Variants in DRC8 observed in about 807,000 individuals in gnomAD.
The protein encoded by DRC8 is dynein regulatory complex subunit 8, also known as dynein regulatory complex protein 8.
chr1:245,061,667 A>G, the DRC8 span, among the ~76,000 whole-genome samples: 1 of 152,268 alleles, frequency 6.6e-6, no homozygotes, highest in Non-Finnish European at 1.5e-5. Flanking sequence ...ATTTAAATAC[A>G]TTTAATAGTG....
the DRC8 span, among the ~76,000 whole-genome samples, chr1:245,121,190 T>A: frequency 1.4e-4 from 21 of 152,318 alleles, no homozygotes; most frequent in African/African-American, 4.8e-4. Context: ...AAGAAATAAG[T>A]GATATAATAG....
At chr1:245,030,798 T>A in the DRC8 span, 1 of 152,378 alleles carries the variant, frequency 6.6e-6, no homozygotes, top group Non-Finnish European at 1.5e-5. Flanking sequence ...CTCTCTTCCA[T>A]CTGTATGTCT....
chr1:245,018,772 G>A, the DRC8 span, among the ~76,000 whole-genome samples: 28 of 152,290 alleles, frequency 1.8e-4, 1 homozygote, highest in South Asian at 5.8e-3. Flanking sequence ...CACACTACGT[G>A]TAGTTGGGTG....
the DRC8 span, chr1:245,107,213 G>C: frequency 6.6e-6 from 1 of 152,324 alleles, no homozygotes; most frequent in Non-Finnish European, 1.5e-5. Context: ...AGAGCAGCGA[G>C]GCAGGAGTGA....
the DRC8 span, among the ~76,000 whole-genome samples, chr1:245,051,824 G>A: frequency 6.6e-6 from 1 of 152,210 alleles, no homozygotes; most frequent in African/African-American, 2.4e-5. Flanking sequence ...CAAGAGCTGA[G>A]TGTGGAAACG....
chr1:245,045,874 A>G, the DRC8 span, among the ~76,000 whole-genome samples: 2 of 152,200 alleles, frequency 1.3e-5, no homozygotes, highest in Non-Finnish European at 2.9e-5. Flanking sequence ...CAGACAGCCA[A>G]TTTCCCATCT....
At chr1:245,082,119 G>A in the DRC8 span, 192 of 1,612,704 alleles carry the variant, frequency 1.2e-4, no homozygotes, top group Non-Finnish European at 1.5e-4. Context: ...CATTCGATTC[G>A]AAAAATTTCT....
At chr1:245,106,135 T>C in the DRC8 span, among the ~76,000 whole-genome samples, 1 of 152,230 alleles carries the variant, frequency 6.6e-6, no homozygotes, top group Non-Finnish European at 1.5e-5. Flanking sequence ...TAAAATTGCC[T>C]GTATCCCTTA....
the DRC8 span, chr1:245,122,270 A>T: frequency 4.8e-5 from 8 of 167,260 alleles, no homozygotes; most frequent in African/African-American, 1.9e-4. Context: ...CTCCATATTC[A>T]TCCAAACATT....
At chr1:245,007,841 G>C in the DRC8 span, among the ~76,000 whole-genome samples, 1 of 152,064 alleles carries the variant, frequency 6.6e-6, no homozygotes, top group South Asian at 2.1e-4. Context: ...ATGACTTTGG[G>C]GTAGTGCTTC....
chr1:245,076,040 T>C, the DRC8 span, among the ~76,000 whole-genome samples: 132,372 of 152,238 alleles, frequency 0.87, 58,669 homozygotes, highest in East Asian at 0.99. Context: ...GCCTAGCAAT[T>C]CCGTGCGCTA....
chr1:245,115,114 G>T, the DRC8 span, among the ~76,000 whole-genome samples: 8 of 151,960 alleles, frequency 5.3e-5, no homozygotes, highest in African/African-American at 1.9e-4. Flanking sequence ...GCAGTGGCAC[G>T]ATCTCGGCTC....
chr1:245,034,553 A>G, the DRC8 span, among the ~76,000 whole-genome samples: 2,189 of 129,634 alleles, frequency 0.017, 46 homozygotes, highest in African/African-American at 0.059. Context: ...GTGAGCCATC[A>G]TTGTGCCATT....
chr1:244,983,442 C>G, the DRC8 span, among the ~76,000 whole-genome samples: 1 of 151,994 alleles, frequency 6.6e-6, no homozygotes, highest in African/African-American at 2.4e-5. Context: ...GTGGTTTTTG[C>G]TATTAAAAGT....
chr1:245,024,601 G>A, the DRC8 span, among the ~76,000 whole-genome samples: 4 of 148,920 alleles, frequency 2.7e-5, no homozygotes, highest in Non-Finnish European at 5.9e-5. Flanking sequence ...AGGCTGGAGT[G>A]CAGTGGCACG....
At chr1:245,084,533 A>T in the DRC8 span, among the ~76,000 whole-genome samples, 1 of 152,092 alleles carries the variant, frequency 6.6e-6, no homozygotes, top group Admixed American at 6.5e-5. Flanking sequence ...AAACCTGCAC[A>T]CTTATATATA....
chr1:245,087,217 G>T, the DRC8 span: 1 of 1,598,980 alleles, frequency 6.3e-7, no homozygotes, highest in South Asian at 1.1e-5. Flanking sequence ...GATCCTAAAT[G>T]ATAAATTTTC....
chr1:245,083,163 G>C, the DRC8 span, among the ~76,000 whole-genome samples: 4 of 152,200 alleles, frequency 2.6e-5, no homozygotes, highest in Non-Finnish European at 5.9e-5. Context: ...CCTCCTGTCT[G>C]AGAAGCATTG....
the DRC8 span, among the ~76,000 whole-genome samples, chr1:245,116,538 G>A: frequency 2.6e-4 from 39 of 152,168 alleles, no homozygotes; most frequent in African/African-American, 8.0e-4. Context: ...GAGCTAGCTA[G>A]TGTCCACCTC....
Sources: gnomAD v4.1 joint callset for allele counts (sites outside exome capture counted in the v4.1 genomes callset) on GRCh38, gnomAD v4.1.1 for gene constraint, MANE v1.5 for transcripts, NCBI Gene and HGNC (gene_info 2026-07-23, HGNC 2026-07-21) for gene names.